Variants in HOXC5 observed in about 807,000 individuals in gnomAD.
HOXC5 encodes the protein homeobox C5.
A neutral mutation model predicts 20.1 loss-of-function variants in HOXC5; 19 were observed. The ratio of observed to expected loss-of-function variants is 0.94; its 90% CI spans 0.66 to 1.38. The LOEUF (loss-of-function observed/expected upper bound fraction) is 1.38. HOXC5 is among the 40% of genes most tolerant of loss of function. The pLI is 0.00. For missense variants in HOXC5, 330 were observed against 300.1 expected, an observed-to-expected ratio of 1.10 and a Z score of -0.74; for synonymous variants, 124 against 117.0, an observed-to-expected ratio of 1.06 and a Z score of -0.39.
chr12:54,024,572 C>A, the HOXC5 span, among the ~76,000 whole-genome samples: 3 of 152,172 alleles, frequency 2.0e-5, no homozygotes, highest in African/African-American at 7.2e-5. Flanking sequence ...ATATCCCTCC[C>A]CAGGAAATTA....
upstream of HOXC5, chr12:54,030,539 A>G (rs1243885085): frequency 2.0e-5 from 3 of 152,636 alleles, no homozygotes; most frequent in Non-Finnish European, 4.4e-5. Context: ...TCATTATGGC[A>G]TTTTACAAAC....
Position 54,033,934 on chromosome 12 carries a change from C to G in HOXC5, c.455-344C>G, listed in dbSNP as rs1325024664. On this transcript the variant is annotated intron_variant, in intron 1 of 1. Transcript: ENST00000312492. ...CCGGCTCCGCCGGCGCTTGCGGCTC[C>G]GGAGGATTCCAGCGACTCGGGAGGG... 9 of 410,414 alleles carry G rather than the reference C, an allele frequency of 2.2e-5. No individual in the cohort carries two copies. In the East Asian group the frequency reaches 5.7e-4, roughly 26 times the overall value. The allele number at this position is 410,414 out of a possible 1,614,324, so 25.4% of individuals were successfully genotyped here.
the HOXC5 span, chr12:54,021,538 G>A: frequency 6.6e-6 from 1 of 152,238 alleles, no homozygotes; most frequent in Non-Finnish European, 1.5e-5. Flanking sequence ...ATAAAAGAAA[G>A]CAGGGACCAG....
the HOXC5 span, chr12:54,021,719 G>A: frequency 1.3e-5 from 2 of 152,260 alleles, no homozygotes; most frequent in African/African-American, 2.4e-5. Context: ...AGGCACTGGG[G>A]TGACATTACT....
Position 54,034,422 on chromosome 12 carries a change from A to C in HOXC5, c.599A>C (p.Lys200Thr), listed in dbSNP as rs1435050782. 6.2e-7 allele frequency: 1 copy of C among 1,614,272 alleles called. No individual in the cohort carries two copies. The highest frequency in any genetic ancestry group is 1.1e-5 in the South Asian group (1 of 91,090). Residue 200 changes from lysine to threonine, a missense_variant, in exon 2 of 2, where the codon AAG (lysine) becomes ACG (threonine). Coordinates refer to ENST00000312492, the MANE Select transcript of HOXC5 (RefSeq NM_018953.4). Reference sequence around the variant, plus strand: ...TTGTGTCTCAATGAGAGACAGATCAAGATCTGGTTCCAGAACCGCAGGATG... The same window carrying C: ...TTGTGTCTCAATGAGAGACAGATCACGATCTGGTTCCAGAACCGCAGGATG... ...NNLCLNERQI[K>T]IWFQNRRMKW...
upstream of HOXC5, among the ~76,000 whole-genome samples, chr12:54,032,225 C>G (rs1941011773): frequency 1.3e-5 from 2 of 152,194 alleles, no homozygotes; most frequent in South Asian, 4.1e-4. Context: ...CTAGCCAACT[C>G]CACCTGGCTC....
upstream of HOXC5, among the ~76,000 whole-genome samples, chr12:54,031,488 C>T (rs1940985712): frequency 6.6e-6 from 1 of 152,198 alleles, no homozygotes; most frequent in Non-Finnish European, 1.5e-5. Flanking sequence ...CGGGCTGGTT[C>T]CTTACTTTTC....
upstream of HOXC5, chr12:54,028,477 A>G: frequency 6.3e-7 from 1 of 1,578,772 alleles, no homozygotes. Flanking sequence ...GGAGACAGAA[A>G]TAAATATTAA....
chr12:54,028,660 A>G (rs1400094404), upstream of HOXC5: 1 of 1,614,126 alleles, frequency 6.2e-7, no homozygotes, highest in Non-Finnish European at 8.5e-7. Context: ...CGTTGCCCAG[A>G]ACCGGATCTA....
At chr12:54,023,432 T>G in the HOXC5 span, among the ~76,000 whole-genome samples, 418 of 152,120 alleles carry the variant, frequency 2.7e-3, 1 homozygote, top group Non-Finnish European at 5.1e-3. Context: ...GGAGAGGAAA[T>G]GTGACATGAG....
At chr12:54,018,671 T>C in the HOXC5 span, among the ~76,000 whole-genome samples, 1 of 152,200 alleles carries the variant, frequency 6.6e-6, no homozygotes, top group Non-Finnish European at 1.5e-5. Context: ...GGTCCGAGGC[T>C]CCGAGGCGGC....
chr12:54,029,342 T>C (rs1940879545), upstream of HOXC5, among the ~76,000 whole-genome samples: 1 of 152,044 alleles, frequency 6.6e-6, no homozygotes, highest in Admixed American at 6.5e-5. Context: ...TCATCCCCAT[T>C]ATCTGGGATT....
At chr12:54,026,313 G>A in the HOXC5 span, among the ~76,000 whole-genome samples, 19 of 152,142 alleles carry the variant, frequency 1.2e-4, no homozygotes, top group African/African-American at 4.6e-4. Flanking sequence ...CCTCCAGGGG[G>A]CCTGAAGCCT....
At chr12:54,029,520 A>C, upstream of HOXC5, 1 of 847,808 alleles carries the variant, frequency 1.2e-6, no homozygotes, top group Non-Finnish European at 1.8e-6. Context: ...GCAAGGCAAA[A>C]GGGAGAAGGC....
At chr12:54,024,609 G>A in the HOXC5 span, among the ~76,000 whole-genome samples, 2 of 152,198 alleles carry the variant, frequency 1.3e-5, no homozygotes, top group East Asian at 1.9e-4. Context: ...TGAGTGGAAA[G>A]CAAAGGCCAG....
rs772486693 is a variant in HOXC5 at position 54,033,260 on chromosome 12, C to G, written c.138C>G (p.Ser46Arg). The G allele has an allele frequency of 4.3e-6, 7 of 1,614,200 alleles. No homozygotes were observed. In the South Asian group the frequency reaches 7.7e-5, roughly 18 times the overall value. ...SRYCYGGLDL[S>R]ITFPPPAPSN... ...ACTGCTACGGCGGATTGGACTTAAG[C>G]ATCACTTTCCCACCGCCTGCGCCTT... Residue 46 changes from serine to arginine, a missense_variant, in exon 1 of 2, where the codon AGC (serine) becomes AGG (arginine). Coordinates refer to ENST00000312492, the MANE Select transcript of HOXC5 (RefSeq NM_018953.4).
chr12:54,017,913 C>T, the HOXC5 span, among the ~76,000 whole-genome samples: 43 of 152,202 alleles, frequency 2.8e-4, no homozygotes, highest in Admixed American at 1.3e-3. Flanking sequence ...GCAGCCCCCT[C>T]CCTCCCAGAG....
chr12:54,028,784 G>T, upstream of HOXC5: 1 of 1,614,140 alleles, frequency 6.2e-7, no homozygotes, highest in Non-Finnish European at 8.5e-7. Context: ...TCAAACTGCA[G>T]ACAAAACACC....
chr12:54,028,174 T>C (rs1250662888), upstream of HOXC5, among the ~76,000 whole-genome samples: 1 of 151,872 alleles, frequency 6.6e-6, no homozygotes, highest in Non-Finnish European at 1.5e-5. Context: ...GTAGTACAGC[T>C]CTCCTTCCCT....
Sources: gnomAD v4.1 joint callset for allele counts (sites outside exome capture counted in the v4.1 genomes callset) on GRCh38, gnomAD v4.1.1 for gene constraint, MANE v1.5 for transcripts, NCBI Gene and HGNC (gene_info 2026-07-23, HGNC 2026-07-21) for gene names.